The following RASAL2 variants were observed in gnomAD, a reference collection of about 807,000 sequenced individuals.
The protein encoded by RASAL2 is RAS protein activator like 2, also known as ras GTPase-activating protein nGAP.
A neutral mutation model predicts 128.9 loss-of-function variants in RASAL2; 58 were observed. The observed-to-expected ratio is 0.45, with a 90% CI of 0.36 to 0.56. The LOEUF (loss-of-function observed/expected upper bound fraction) is 0.56, where lower values mean the gene tolerates loss of function less well. Among genes scored for constraint, RASAL2 ranks in the 20% least tolerant of loss-of-function variants. The pLI is 0.00. For missense variants in RASAL2, 1,360 were observed against 1,601.6 expected, an observed-to-expected ratio of 0.85 and a Z score of 2.57; for synonymous variants, 561 against 580.8, an observed-to-expected ratio of 0.97 and a Z score of 0.49.
chr1:178,395,538 A>G (rs987896598), intron 4 of RASAL2, among the ~76,000 whole-genome samples: 1 of 152,098 alleles, frequency 6.6e-6, no homozygotes, highest in Non-Finnish European at 1.5e-5. Flanking sequence ...CAGCCTAAGA[A>G]TCTCAGATTT....
At chr1:178,356,713 T>C (rs1670832428) in intron 3 of RASAL2, among the ~76,000 whole-genome samples, 2 of 152,196 alleles carry the variant, frequency 1.3e-5, no homozygotes, top group South Asian at 2.1e-4. Context: ...ATAGTGGTTA[T>C]CTATAGGGTG....
intron 3 of RASAL2, among the ~76,000 whole-genome samples, chr1:178,342,037 G>T (rs565192969): frequency 1.4e-4 from 22 of 152,280 alleles, no homozygotes; most frequent in Admixed American, 8.5e-4. Context: ...TAACAGCCTT[G>T]CTTGAATCTC....
intron 1 of RASAL2, among the ~76,000 whole-genome samples, chr1:178,268,991 A>T (rs866268691): frequency 6.6e-6 from 1 of 152,160 alleles, no homozygotes; most frequent in Non-Finnish European, 1.5e-5. Flanking sequence ...TCTATTATGA[A>T]CTGAGTGTGT....
chr1:178,438,406 G>A (rs148121780), intron 5 of RASAL2, among the ~76,000 whole-genome samples: 221 of 151,800 alleles, frequency 1.5e-3, no homozygotes, highest in African/African-American at 5.1e-3. Flanking sequence ...TTTACACAAG[G>A]CATTTCTTTT....
At position 178,451,658 on chromosome 1, in the gene RASAL2, A is replaced by G. The variant is rs963383629; in HGVS notation, c.1715A>G (p.Gln572Arg). The stretch of plus-strand genomic sequence containing the variant: ...TCATCTAGTGAACTGATAGACCATC[A>G]GAGCAACCTGAAAATGTGCTGTGAG... Reference protein sequence around the residue: ...KCSSSELIDHQSNLKMCCELA... With the variant: ...KCSSSELIDHRSNLKMCCELA... Residue 572 changes from glutamine to arginine, a missense_variant, in exon 10 of 18, where the codon CAG becomes CGG. By Grantham distance (43) the Gln-to-Arg change is conservative (BLOSUM62 1). Coordinates refer to ENST00000367649, the MANE Select transcript of RASAL2 (RefSeq NM_170692.4). The G allele has an allele frequency of 6.2e-7, 1 of 1,613,804 alleles. No individual in the cohort carries two copies. The highest frequency in any genetic ancestry group is 1.3e-5 in the African/African-American group (1 of 74,920).
At chr1:178,419,657 A>C (rs1374822886) in intron 4 of RASAL2, among the ~76,000 whole-genome samples, 1 of 152,186 alleles carries the variant, frequency 6.6e-6, no homozygotes, top group Admixed American at 6.6e-5. Flanking sequence ...ATTTCTTGAA[A>C]GTAGTGACCG....
chr1:178,308,288 A>T (rs1571828170), intron 3 of RASAL2, among the ~76,000 whole-genome samples: 1 of 152,162 alleles, frequency 6.6e-6, no homozygotes, highest in Non-Finnish European at 1.5e-5. Flanking sequence ...AGCTATCTAA[A>T]ATTTTTATGT....
At chr1:178,454,354 T>TA (rs897032074) in intron 11 of RASAL2, 93 bp from the exon 12 acceptor site, 41 of 1,043,932 alleles carry the variant, frequency 3.9e-5, no homozygotes, top group Admixed American at 9.1e-5. Flanking sequence ...CTCCACAAAA[T>TA]AAAAAAAAGT....
intron 1 of RASAL2, among the ~76,000 whole-genome samples, chr1:178,244,968 G>C (rs1664703398): frequency 6.6e-6 from 1 of 152,096 alleles, no homozygotes; most frequent in Non-Finnish European, 1.5e-5. Context: ...TCTTTATCCA[G>C]TCTATCATTG....
rs1365474717 is a variant in RASAL2, at chr1:178,162,487, AAT to A, written c.202+67802_202+67803del. ...TATTTTATATATTTATATTTTATATAATATATATATTTTATATTATATATATT... is the reference window on the plus strand; with the variant it reads ...TATTTTATATATTTATATTTTATATAATATATATTTTATATTATATATATT... On this transcript the variant is annotated intron_variant, in intron 1 of 17. Coordinates refer to ENST00000367649, the MANE Select transcript of RASAL2 (RefSeq NM_170692.4). Among the ~76,000 whole-genome samples, 65 of 124,732 alleles carry A rather than the reference AAT, an allele frequency of 5.2e-4. 1 individual carries two copies. The highest frequency in any genetic ancestry group is 2.5e-3 in the East Asian group (12 of 4,872). The allele number at this position is 124,732 out of a possible 152,430, so 81.8% of individuals were successfully genotyped here.
chr1:178,178,804 T>C (rs1323436576), intron 1 of RASAL2, among the ~76,000 whole-genome samples: 1 of 152,136 alleles, frequency 6.6e-6, no homozygotes, highest in Non-Finnish European at 1.5e-5. Flanking sequence ...TGAGGAAAAG[T>C]ATATGGAATT....
At chr1:178,401,612 T>G (rs1045166499) in intron 4 of RASAL2, among the ~76,000 whole-genome samples, 2 of 152,164 alleles carry the variant, frequency 1.3e-5, no homozygotes, top group African/African-American at 4.8e-5. Context: ...GAATAGCCAC[T>G]GAACTCCAGC....
At chr1:178,126,315 A>G (rs1420756843) in intron 1 of RASAL2, among the ~76,000 whole-genome samples, 1 of 152,200 alleles carries the variant, frequency 6.6e-6, no homozygotes, top group African/African-American at 2.4e-5. Flanking sequence ...TATATAATGT[A>G]TATTTTTTAA....
intron 8 of RASAL2, among the ~76,000 whole-genome samples, chr1:178,445,055 A>G (rs1480661647): frequency 2.6e-5 from 4 of 151,970 alleles, no homozygotes; most frequent in Non-Finnish European, 5.9e-5. Flanking sequence ...TGTGTGAACT[A>G]AAATCCAAAG....
intron 3 of RASAL2, among the ~76,000 whole-genome samples, chr1:178,319,743 C>T (rs970098313): frequency 3.3e-5 from 5 of 151,926 alleles, no homozygotes; most frequent in Non-Finnish European, 5.9e-5. Flanking sequence ...GATTGAATGT[C>T]CTCCCGTAGC....
chr1:178,233,212 T>C (rs1336689103), intron 1 of RASAL2, among the ~76,000 whole-genome samples: 5 of 152,014 alleles, frequency 3.3e-5, no homozygotes, highest in African/African-American at 1.2e-4. Flanking sequence ...TGCACAGACA[T>C]GTGTGGTTCA....
At chr1:178,456,976 T>G in intron 13 of RASAL2, 77 bp downstream of exon 13, 2 of 1,436,878 alleles carry the variant, frequency 1.4e-6, no homozygotes, top group Non-Finnish European at 1.9e-6. Context: ...TCAACCTATT[T>G]GTTGAATTTA....
intron 3 of RASAL2, among the ~76,000 whole-genome samples, chr1:178,388,075 T>G (rs1238763612): frequency 3.3e-5 from 5 of 152,230 alleles, no homozygotes; most frequent in African/African-American, 9.6e-5. Flanking sequence ...TGTCAATTAT[T>G]CAGAAATTAA....
At chr1:178,472,726 T>C (rs1448387000) in intron 17 of RASAL2, among the ~76,000 whole-genome samples, 2 of 152,240 alleles carry the variant, frequency 1.3e-5, no homozygotes, top group African/African-American at 2.4e-5. Context: ...GTTTCAATTT[T>C]GACCTAAAGC....
Sources: allele counts gnomAD v4.1 joint callset (sites outside exome capture counted in the v4.1 genomes callset), GRCh38; gene constraint gnomAD v4.1.1; transcripts MANE v1.5; gene names NCBI Gene and HGNC (gene_info 2026-07-23, HGNC 2026-07-21).